The following ADGRG4 variants were observed in gnomAD, a reference collection of about 807,000 sequenced individuals.
ADGRG4 encodes adhesion G protein-coupled receptor G4.
ADGRG4 carries 122 observed loss-of-function variants against 126.2 expected under a neutral mutation model. The ratio of observed to expected loss-of-function variants is 0.97; its 90% confidence interval spans 0.83 to 1.12. The LOEUF (loss-of-function observed/expected upper bound fraction) is 1.12, where lower values mean the gene tolerates loss of function less well. Ranked by LOEUF, ADGRG4 falls within the 50% of genes most tolerant of loss-of-function variation. The probability of loss-of-function intolerance (pLI) is 0.00; values close to 1 mark genes in which losing one functional copy is unlikely to be tolerated. For synonymous variants in ADGRG4, 943 were observed against 838.7 expected (o/e 1.12, Z -2.15); for missense variants, 2,481 against 2,251.8 (o/e 1.10, Z -2.06).
intron 5 of ADGRG4, among the ~76,000 whole-genome samples, chrX:136,333,820 A>C (rs1457672966): frequency 8.9e-6 from 1 of 112,289 alleles, no homozygotes; most frequent in Non-Finnish European, 1.9e-5. Flanking sequence ...CTTGGCCTAA[A>C]AATTCTTTTT....
intron 23 of ADGRG4, among the ~76,000 whole-genome samples, chrX:136,407,100 G>A (rs2075417005): frequency 9.0e-6 from 1 of 111,008 alleles, no homozygotes; most frequent in African/African-American, 3.3e-5. Context: ...GGGCTACTGG[G>A]ACAGGCTGAG....
At position 136,359,294 on chromosome X, in the gene ADGRG4, G is replaced by A. The variant is rs1438816896; in HGVS notation, c.6983G>A (p.Cys2328Tyr). 3 of 1,201,255 alleles carry A rather than the reference G, an allele frequency of 2.5e-6. No individual in the cohort carries two copies. Among genetic ancestry groups the A allele is most frequent in the Non-Finnish European group, 3.4e-6 (3 of 890,827 alleles). The change falls in exon 11 of 26, where the codon TGT (cysteine) becomes TAT (tyrosine). Residue 2328 changes from cysteine (C) to tyrosine (Y), a missense_variant and splice_region_variant. Coordinates refer to ENST00000394143, the MANE Select transcript of ADGRG4 (RefSeq NM_153834.4). The stretch of plus-strand genomic sequence containing the variant: ...TTCTTTTTTATTCTGCTTTGTAGTT[G>A]TGTTTGTCAGGTCATCATAAAAGCC... The part of the protein sequence containing the change: ...MATISYVPYS[C>Y]VCQVIIKASS...
At chrX:136,382,698 A>T (rs983263504) in intron 15 of ADGRG4, among the ~76,000 whole-genome samples, 1 of 111,387 alleles carries the variant, frequency 9.0e-6, no homozygotes, top group African/African-American at 3.3e-5. Flanking sequence ...TGCATACCTT[A>T]CCTCCGTTGT....
rs1482804899 is a variant in ADGRG4, at chrX:136,349,105, C to T, written c.5399C>T (p.Ser1800Phe). 3 of 1,206,897 alleles carry T rather than the reference C, an allele frequency of 2.5e-6. No homozygotes were observed. Among genetic ancestry groups the T allele is most frequent in the Non-Finnish European group, 3.4e-6 (3 of 891,820 alleles). Reference protein sequence around the residue: ...CFSSNTRKMTSLLEKTSLTNY... With the variant: ...CFSSNTRKMTFLLEKTSLTNY... ...TCTTCTAATACTAGAAAGATGACTT[C>T]CTTGTTAGAAAAGACTTCCTTAACA... is the stretch of plus-strand genomic sequence containing the variant. Residue 1800 changes from serine to phenylalanine, a missense_variant, in exon 6 of 26, where the codon TCC (serine) becomes TTC (phenylalanine). Physicochemically the swap from Ser to Phe is radical, Grantham distance 155. Transcript: ENST00000394143.
chrX:136,371,199 C>A, intron 13 of ADGRG4, 129 bp from the exon 14 acceptor site: 1 of 373,616 alleles, frequency 2.7e-6, no homozygotes, highest in Non-Finnish European at 4.6e-6. Flanking sequence ...CAATATTTTC[C>A]TTCTGTAAAC....
intron 15 of ADGRG4, among the ~76,000 whole-genome samples, chrX:136,383,883 TC>T (rs2075279119): frequency 2.1e-5 from 2 of 94,520 alleles, no homozygotes; most frequent in Admixed American, 1.2e-4. Flanking sequence ...TCTTCTTTCT[TC>T]CTTTCCTTTC....
Position 136,392,360 on chromosome X carries a change from A to G in ADGRG4, c.8034+6A>G. On this transcript the variant is annotated splice_donor_region_variant and intron_variant, in intron 17 of 25. Transcript: ENST00000394143. ...AGCATATTGGAGGAAACCAGGTAAT[A>G]TATCTATTTTCAGCTCAGAATCAAA... 1 of 1,146,391 alleles carries G rather than the reference A, an allele frequency of 8.7e-7. No individual in the cohort carries two copies. The highest frequency in any genetic ancestry group is 1.2e-6 in the Non-Finnish European group (1 of 857,567). 94.5% of individuals were successfully genotyped at this position (1,146,391 alleles called of 1,213,427 possible).
chrX:136,324,205 A>C (rs1416591653), intron 5 of ADGRG4, among the ~76,000 whole-genome samples: 2 of 111,310 alleles, frequency 1.8e-5, no homozygotes, highest in African/African-American at 6.5e-5. Context: ...ATTGTTGAGT[A>C]ATTTCTGGGG....
chrX:136,353,067 T>C (rs2075072654), intron 7 of ADGRG4, among the ~76,000 whole-genome samples: 1 of 111,701 alleles, frequency 9.0e-6, no homozygotes, highest in Non-Finnish European at 1.9e-5. Context: ...TCCACTTTTA[T>C]GATCTTATTT....
intron 11 of ADGRG4, among the ~76,000 whole-genome samples, chrX:136,360,228 G>T: frequency 9.0e-6 from 1 of 111,513 alleles, no homozygotes; most frequent in South Asian, 3.9e-4. Context: ...TGGAGACTGG[G>T]ATAGCTGAGC....
intron 1 of ADGRG4, among the ~76,000 whole-genome samples, chrX:136,301,863 C>G (rs933706241): frequency 7.2e-5 from 8 of 111,795 alleles, no homozygotes; most frequent in African/African-American, 1.6e-4. Flanking sequence ...GCTTGTTTTT[C>G]TCAGGTTTGT....
In ADGRG4 at chrX:136,371,466, A is replaced by C; in HGVS notation, c.7535A>C (p.His2512Pro). 2 of 1,196,059 alleles carry C rather than the reference A, an allele frequency of 1.7e-6. No homozygotes were observed. The highest frequency in any genetic ancestry group is 2.3e-6 in the Non-Finnish European group (2 of 884,679). The change falls in exon 14 of 26, where the codon CAT becomes CCT. Residue 2512 changes from histidine to proline, a missense_variant. Coordinates refer to ENST00000394143, the MANE Select transcript of ADGRG4 (RefSeq NM_153834.4). ...GATGAGATAAGTATGAACCTAACTC[A>C]TGTTATGTTACAAATAATCAACGTT... ...QCDEISMNLT[H>P]VMLQIINVVL...
intron 15 of ADGRG4, among the ~76,000 whole-genome samples, chrX:136,385,303 C>T (rs748394063): frequency 3.6e-5 from 4 of 111,606 alleles, no homozygotes; most frequent in Non-Finnish European, 5.6e-5. Flanking sequence ...AAAGAGGTAA[C>T]TATGTGAGAC....
chrX:136,368,666 C>T (rs953225039), intron 13 of ADGRG4, among the ~76,000 whole-genome samples: 1 of 111,790 alleles, frequency 8.9e-6, no homozygotes, highest in East Asian at 2.8e-4. Context: ...TACAATGTAA[C>T]GTATAGTGAC....
At chrX:136,352,116 T>C (rs1334108427) in intron 7 of ADGRG4, among the ~76,000 whole-genome samples, 1 of 111,751 alleles carries the variant, frequency 8.9e-6, no homozygotes, top group Non-Finnish European at 1.9e-5. Context: ...CTTTTAGATA[T>C]TTTTTCTGTG....
chrX:136,399,577 A>G (rs2075368701), intron 20 of ADGRG4, among the ~76,000 whole-genome samples: 1 of 110,076 alleles, frequency 9.1e-6, no homozygotes. Flanking sequence ...GTACCCAGGA[A>G]ACTCCTTCCT....
intron 5 of ADGRG4, among the ~76,000 whole-genome samples, chrX:136,342,616 G>A (rs1042273646): frequency 3.6e-5 from 4 of 110,667 alleles, no homozygotes; most frequent in African/African-American, 1.3e-4. Context: ...CTGAAGAATT[G>A]GCAGAAGTTA....
chrX:136,383,517 T>G (rs997144778), intron 15 of ADGRG4, among the ~76,000 whole-genome samples: 17 of 112,129 alleles, frequency 1.5e-4, no homozygotes, highest in African/African-American at 5.2e-4. Context: ...TTATATTCAT[T>G]TGCTTCCTAG....
chrX:136,319,380 C>G (rs755418460), intron 4 of ADGRG4, among the ~76,000 whole-genome samples: 2 of 112,329 alleles, frequency 1.8e-5, no homozygotes, highest in Non-Finnish European at 3.8e-5. Flanking sequence ...ACACACATAA[C>G]CTAAATGTTA....
Sources: allele counts gnomAD v4.1 joint callset (sites outside exome capture counted in the v4.1 genomes callset), GRCh38; gene constraint gnomAD v4.1.1; transcripts MANE v1.5; gene names NCBI Gene and HGNC (gene_info 2026-07-23, HGNC 2026-07-21).